Variants in FOXP1 observed in about 807,000 individuals in gnomAD.
FOXP1 encodes the protein forkhead box P1.
In FOXP1, 15 loss-of-function variants were observed where a neutral mutation model predicts 98.2. That is an observed-to-expected ratio of 0.15 (90% confidence interval 0.10 to 0.24). The LOEUF is 0.24. Among genes scored for constraint, FOXP1 ranks in the 10% least tolerant of loss-of-function variants. The probability of loss-of-function intolerance (pLI) is 1.00; values close to 1 mark genes in which losing one functional copy is unlikely to be tolerated. For missense variants in FOXP1, 633 were observed against 848.5 expected (o/e 0.75, Z 3.15); for synonymous variants, 371 against 314.5 (o/e 1.18, Z -1.90).
intron 4 of FOXP1, among the ~76,000 whole-genome samples, chr3:71,308,045 G>A (rs772009626): frequency 6.6e-5 from 10 of 152,018 alleles, no homozygotes; most frequent in Non-Finnish European, 1.3e-4. Flanking sequence ...ACAAAAATCC[G>A]TATGCAAGCT....
At chr3:70,988,423 TA>T (rs2040103069) in intron 13 of FOXP1, among the ~76,000 whole-genome samples, 1 of 152,232 alleles carries the variant, frequency 6.6e-6, no homozygotes, top group Admixed American at 6.5e-5. Context: ...GCTAGGTAGC[TA>T]AAACCCATAA....
In FOXP1 at chr3:71,373,340, T is replaced by G. The variant is rs567951257; in HGVS notation, c.-167-14096A>C. 1.7e-4 allele frequency among the ~76,000 whole-genome samples: 26 copies of G among 152,102 alleles called. No individual in the cohort carries two copies. In the South Asian group the frequency reaches 5.2e-3, roughly 30 times the overall value. Reference sequence around the variant, plus strand: ...TCGCCTTTACAAAAAAAAAACATGTTAAAGTAGAATTTTAACACAACTTGT... The same window carrying G: ...TCGCCTTTACAAAAAAAAAACATGTGAAAGTAGAATTTTAACACAACTTGT... On this transcript the variant is annotated intron_variant, in intron 3 of 20. Transcript: ENST00000649528.
chr3:71,115,965 G>T (rs1008400466), intron 6 of FOXP1, among the ~76,000 whole-genome samples: 7 of 152,054 alleles, frequency 4.6e-5, no homozygotes, highest in African/African-American at 1.7e-4. Flanking sequence ...TTGAACTCCT[G>T]ACCTCAGTGA....
intron 5 of FOXP1, among the ~76,000 whole-genome samples, chr3:71,280,602 G>A (rs562596099): frequency 2.6e-5 from 4 of 152,126 alleles, no homozygotes; most frequent in Non-Finnish European, 5.9e-5. Flanking sequence ...GGGATTACAG[G>A]TGTGAGCCAC....
chr3:71,107,054 C>G (rs1005204000), intron 7 of FOXP1, among the ~76,000 whole-genome samples: 1 of 152,134 alleles, frequency 6.6e-6, no homozygotes, highest in African/African-American at 2.4e-5. Context: ...CAGGTGTGAG[C>G]CACTGTACCT....
At chr3:71,205,305 C>T (rs1409360900) in intron 5 of FOXP1, among the ~76,000 whole-genome samples, 1 of 152,146 alleles carries the variant, frequency 6.6e-6, no homozygotes, top group Non-Finnish European at 1.5e-5. Context: ...CAAAACTGAA[C>T]ATTATCCATC....
At chr3:71,115,852 C>T (rs766600875) in intron 6 of FOXP1, among the ~76,000 whole-genome samples, 1 of 150,978 alleles carries the variant, frequency 6.6e-6, no homozygotes, top group Non-Finnish European at 1.5e-5. Flanking sequence ...TTCTCCTGCC[C>T]AAGCCTCCCG....
At chr3:71,038,504 T>G (rs1204749493) in intron 11 of FOXP1, among the ~76,000 whole-genome samples, 1 of 152,214 alleles carries the variant, frequency 6.6e-6, no homozygotes, top group Non-Finnish European at 1.5e-5. Flanking sequence ...AACTGGCACA[T>G]CAGTGTACAG....
chr3:71,357,091 T>A (rs967863752), intron 4 of FOXP1, among the ~76,000 whole-genome samples: 1 of 152,040 alleles, frequency 6.6e-6, no homozygotes, highest in Admixed American at 6.6e-5. Context: ...TGAGTCTACA[T>A]AAGAACAGAG....
At chr3:70,960,816 G>C (rs2033226175) in intron 20 of FOXP1, among the ~76,000 whole-genome samples, 1 of 151,848 alleles carries the variant, frequency 6.6e-6, no homozygotes, top group Non-Finnish European at 1.5e-5. Context: ...ATTTAGGGGG[G>C]CTAGATGTTA....
At chr3:71,453,224 A>G (rs993326801) in intron 3 of FOXP1, among the ~76,000 whole-genome samples, 2 of 152,178 alleles carry the variant, frequency 1.3e-5, no homozygotes, top group Non-Finnish European at 1.5e-5. Flanking sequence ...AGAAAATGAA[A>G]TACATATATA....
chr3:71,337,780 C>T (rs1416794882), intron 4 of FOXP1, among the ~76,000 whole-genome samples: 7 of 152,212 alleles, frequency 4.6e-5, no homozygotes. Context: ...ATAAGCTCTT[C>T]TCCATTATGG....
intron 3 of FOXP1, among the ~76,000 whole-genome samples, chr3:71,477,954 C>A (rs1033318415): frequency 5.3e-5 from 8 of 152,124 alleles, no homozygotes; most frequent in Admixed American, 5.2e-4. Flanking sequence ...TAAAAATTAT[C>A]CCATTTTCAC....
chr3:71,036,927 C>A (rs1013158094), intron 11 of FOXP1, among the ~76,000 whole-genome samples: 4 of 152,138 alleles, frequency 2.6e-5, no homozygotes, highest in African/African-American at 9.7e-5. Flanking sequence ...CTCATTTTAT[C>A]GTAATTTAGT....
chr3:71,354,647 G>A (rs1450046510), intron 4 of FOXP1, among the ~76,000 whole-genome samples: 2 of 152,196 alleles, frequency 1.3e-5, no homozygotes, highest in African/African-American at 2.4e-5. Context: ...CGGGAATCAA[G>A]GTTCTTTGCC....
At chr3:71,344,642 G>A (rs1014343788) in intron 4 of FOXP1, among the ~76,000 whole-genome samples, 2 of 151,794 alleles carry the variant, frequency 1.3e-5, no homozygotes, top group African/African-American at 4.8e-5. Context: ...TTTGAGACCA[G>A]ACTGACCAAC....
chr3:71,367,775 A>G lies in FOXP1; in HGVS notation c.-167-8531T>C, dbSNP rs182613866. Among the ~76,000 whole-genome samples, 23 of 152,290 alleles carry G rather than the reference A, an allele frequency of 1.5e-4. 1 individual carries two copies. Among genetic ancestry groups the G allele is most frequent in the African/African-American group, 5.3e-4 (22 of 41,564 alleles). On this transcript the variant is annotated intron_variant, in intron 3 of 20. Coordinates refer to ENST00000649528, the MANE Select transcript of FOXP1 (RefSeq NM_001349338.3). ...AATTCAAATCTTAAAAGCAACTTCAATTTTCTCCTTAAGAAATAAGAATTT... is the reference window on the plus strand; with the variant it reads ...AATTCAAATCTTAAAAGCAACTTCAGTTTTCTCCTTAAGAAATAAGAATTT...
intron 2 of FOXP1, among the ~76,000 whole-genome samples, chr3:71,505,093 C>T (rs2041706528): frequency 6.6e-6 from 1 of 152,180 alleles, no homozygotes; most frequent in African/African-American, 2.4e-5. Flanking sequence ...CCAGTGAATA[C>T]TACTGAGTAC....
chr3:71,219,172 GCATGCCCTCATCA>G (rs1250615852), intron 5 of FOXP1, among the ~76,000 whole-genome samples: 2 of 152,120 alleles, frequency 1.3e-5, no homozygotes, highest in East Asian at 1.9e-4. Flanking sequence ...TTGCCTGGGA[GCATGCCCTCATCA>G]CATGCCCTCA....
Sources: allele counts gnomAD v4.1 joint callset (sites outside exome capture counted in the v4.1 genomes callset), GRCh38; gene constraint gnomAD v4.1.1; transcripts MANE v1.5; gene names NCBI Gene and HGNC (gene_info 2026-07-23, HGNC 2026-07-21).